CHODL: variants seen among roughly 807,000 people sequenced by gnomAD.
CHODL encodes transmembrane protein MT75.
Under a neutral mutation model 34.5 loss-of-function variants are expected in CHODL, and 29 were observed. That is an observed-to-expected ratio of 0.84 (90% CI 0.63 to 1.15). The LOEUF (loss-of-function observed/expected upper bound fraction) is 1.15. Ranked by LOEUF, CHODL falls within the 50% of genes most tolerant of loss-of-function variation. The probability of loss-of-function intolerance (pLI) is 0.00; values close to 1 mark genes in which losing one functional copy is unlikely to be tolerated. For missense variants in CHODL, 332 were observed against 332.5 expected, an observed-to-expected ratio of 1.00 and a Z score of 0.01; for synonymous variants, 125 against 116.1, an observed-to-expected ratio of 1.08 and a Z score of -0.49.
At chr21:17,951,874 A>G (rs1167651424) in intron 1 of CHODL, among the ~76,000 whole-genome samples, 1 of 152,232 alleles carries the variant, frequency 6.6e-6, no homozygotes, top group Non-Finnish European at 1.5e-5. Flanking sequence ...TATGATAGAA[A>G]TATTGGATAG....
chr21:18,208,767 G>C (rs1378342372), intron 2 of CHODL, among the ~76,000 whole-genome samples: 1 of 152,016 alleles, frequency 6.6e-6, no homozygotes, highest in African/African-American at 2.4e-5. Flanking sequence ...GTACAAATTT[G>C]GTTGTCTTTG....
At chr21:18,051,561 G>A (rs1323792942) in intron 2 of CHODL, among the ~76,000 whole-genome samples, 1 of 151,816 alleles carries the variant, frequency 6.6e-6, no homozygotes, top group African/African-American at 2.4e-5. Flanking sequence ...ACTGAAGACT[G>A]TCATGCTAGA....
intron 2 of CHODL, among the ~76,000 whole-genome samples, chr21:18,063,013 A>C (rs1025274987): frequency 1.3e-5 from 2 of 152,212 alleles, no homozygotes; most frequent in African/African-American, 4.8e-5. Flanking sequence ...AAGAAACGTG[A>C]GAAAAAAGCA....
chr21:18,078,372 C>T (rs1014983243), intron 2 of CHODL, among the ~76,000 whole-genome samples: 1 of 152,096 alleles, frequency 6.6e-6, no homozygotes, highest in Non-Finnish European at 1.5e-5. Flanking sequence ...ATCACAAGAA[C>T]ATCATGGGAA....
chr21:18,185,801 C>A (rs11910956), intron 2 of CHODL, among the ~76,000 whole-genome samples: 15,644 of 152,122 alleles, frequency 0.1, 1,374 homozygotes, highest in African/African-American at 0.24. Context: ...GGGCTTGCTT[C>A]CTGGTTTGTA....
chr21:18,097,143 T>G (rs180910818), intron 2 of CHODL, among the ~76,000 whole-genome samples: 1 of 152,254 alleles, frequency 6.6e-6, no homozygotes, highest in East Asian at 1.9e-4. Flanking sequence ...TAAAAAGCCA[T>G]TTCTTTCAAA....
chr21:18,229,062 A>G (rs2073956057), intron 2 of CHODL, among the ~76,000 whole-genome samples: 1 of 152,132 alleles, frequency 6.6e-6, no homozygotes, highest in Admixed American at 6.5e-5. Flanking sequence ...AGCTTCTTGG[A>G]TGTTGTAGGG....
Position 18,108,837 on chromosome 21 carries a change from TTGTGTGTGTGTGTGTGTG to T in CHODL, c.-45+80884_-45+80901del, listed in dbSNP as rs68066729. 2.2e-4 allele frequency among the ~76,000 whole-genome samples: 32 copies of T among 146,272 alleles called. 1 individual carries two copies. The highest frequency in any genetic ancestry group is 8.0e-4 in the African/African-American group (32 of 39,928). ...TTCTCAGATTCTCTTCTTTGCAATG[TTGTGTGTGTGTGTGTGTG>T]TGTGTGTGTGTGTGTGTTTCTTCTA... On this transcript the variant is annotated intron_variant, in intron 2 of 6. Transcript: ENST00000400127.
chr21:18,265,215 A>G (rs140492216), intron 5 of CHODL, among the ~76,000 whole-genome samples: 20 of 133,170 alleles, frequency 1.5e-4, no homozygotes, highest in African/African-American at 6.4e-4. Flanking sequence ...ACATATATGT[A>G]TGTGTATATA....
At chr21:17,919,650 C>T (rs1164868784) in intron 1 of CHODL, among the ~76,000 whole-genome samples, 1 of 152,110 alleles carries the variant, frequency 6.6e-6, no homozygotes, top group East Asian at 1.9e-4. Flanking sequence ...ACATTTTTCC[C>T]ACTGTCTCGG....
At chr21:18,147,450 G>A (rs1237927528) in intron 2 of CHODL, among the ~76,000 whole-genome samples, 2 of 152,190 alleles carry the variant, frequency 1.3e-5, no homozygotes, top group African/African-American at 2.4e-5. Context: ...TGCCTAAAAT[G>A]TGGCTAAATC....
chr21:18,010,297 CAAAAAAAAAAAA>C (rs71189576), intron 1 of CHODL, among the ~76,000 whole-genome samples: 1 of 38,790 alleles, frequency 2.6e-5, no homozygotes, highest in Non-Finnish European at 4.3e-5. Flanking sequence ...ACTCCCGTCT[CAAAAAAAAAAAA>C]AAAAAAAAAA....
chr21:18,147,205 G>T (rs2072901679), intron 2 of CHODL, among the ~76,000 whole-genome samples: 1 of 152,190 alleles, frequency 6.6e-6, no homozygotes, highest in Non-Finnish European at 1.5e-5. Context: ...AGTACACTTG[G>T]TTAGTAATGT....
chr21:18,256,946 G>T, intron 2 of CHODL, 24 bp from the exon 3 acceptor site: 1 of 1,605,854 alleles, frequency 6.2e-7, no homozygotes, highest in African/African-American at 1.3e-5. Flanking sequence ...GTATCTGAGT[G>T]TTCCTATTAC....
At chr21:18,106,172 G>A (rs902593635) in intron 2 of CHODL, among the ~76,000 whole-genome samples, 1 of 151,976 alleles carries the variant, frequency 6.6e-6, no homozygotes, top group Non-Finnish European at 1.5e-5. Context: ...TTGTTTAACT[G>A]GAACATTTCC....
chr21:18,037,082 A>G (rs1017383843), intron 2 of CHODL, among the ~76,000 whole-genome samples: 3 of 151,986 alleles, frequency 2.0e-5, no homozygotes, highest in Non-Finnish European at 4.4e-5. Flanking sequence ...TTAGATTTCC[A>G]TATATAACAT....
At chr21:18,240,485 C>T (rs1178189438), upstream of CHODL, among the ~76,000 whole-genome samples, 2 of 152,130 alleles carry the variant, frequency 1.3e-5, no homozygotes, top group African/African-American at 2.4e-5. Context: ...ATAATCTTAC[C>T]GTAGTACAAT....
intron 2 of CHODL, among the ~76,000 whole-genome samples, chr21:18,063,684 A>G (rs1313092986): frequency 6.6e-6 from 1 of 152,242 alleles, no homozygotes; most frequent in Non-Finnish European, 1.5e-5. Context: ...GAGATTTACA[A>G]TTTGTAAACA....
At chr21:18,023,910 G>GA (rs2146429045) in intron 1 of CHODL, among the ~76,000 whole-genome samples, 2 of 152,286 alleles carry the variant, frequency 1.3e-5, no homozygotes, top group South Asian at 4.1e-4. Flanking sequence ...CAGAGTATCT[G>GA]ATTCTCAAAG....
Sources: gnomAD v4.1 joint callset for allele counts (sites outside exome capture counted in the v4.1 genomes callset) on GRCh38, gnomAD v4.1.1 for gene constraint, MANE v1.5 for transcripts, NCBI Gene and HGNC (gene_info 2026-07-23, HGNC 2026-07-21) for gene names.